The following THRB variants were observed in gnomAD, a reference collection of about 807,000 sequenced individuals.
The protein encoded by THRB is thyroid hormone receptor beta, also known as nuclear receptor subfamily 1 group A member 2.
Under a neutral mutation model 47.8 loss-of-function variants are expected in THRB, and 12 were observed. The ratio of observed to expected loss-of-function variants is 0.25; its 90% CI spans 0.16 to 0.41. THRB has a LOEUF of 0.41. Among genes scored for constraint, THRB ranks in the 10% least tolerant of loss-of-function variants. The pLI is 1.00. For synonymous variants in THRB, 218 were observed against 212.2 expected (o/e 1.03, Z -0.24); for missense variants, 348 against 589.2 (o/e 0.59, Z 4.24).
At chr3:24,277,504 T>C (rs528296947) in intron 3 of THRB, among the ~76,000 whole-genome samples, 1 of 152,302 alleles carries the variant, frequency 6.6e-6, no homozygotes, top group Non-Finnish European at 1.5e-5. Context: ...TTTGCATCTC[T>C]AACAAGTTCC....
intron 2 of THRB, among the ~76,000 whole-genome samples, chr3:24,326,782 T>TTTTTTTTTTTTTTG: frequency 7.0e-6 from 1 of 142,806 alleles, no homozygotes; most frequent in Non-Finnish European, 1.5e-5. Flanking sequence ...TTTTTTTTTT[T>TTTTTTTTTTTTTTG]GAGATGGAGT....
chr3:24,336,724 T>G (rs1245750413), intron 2 of THRB, among the ~76,000 whole-genome samples: 1 of 142,958 alleles, frequency 7.0e-6, no homozygotes, highest in Admixed American at 6.9e-5. Flanking sequence ...TTCTCATGCT[T>G]TTTTTTTTTT....
At chr3:24,236,191 T>G (rs182722774) in intron 3 of THRB, among the ~76,000 whole-genome samples, 105 of 152,276 alleles carry the variant, frequency 6.9e-4, no homozygotes, top group African/African-American at 2.1e-3. Context: ...CTCTGGTATT[T>G]GGGGAATATT....
chr3:24,229,596 G>C (rs978863611), intron 3 of THRB, among the ~76,000 whole-genome samples: 1 of 152,182 alleles, frequency 6.6e-6, no homozygotes, highest in Non-Finnish European at 1.5e-5. Flanking sequence ...AGATCCAAGA[G>C]CAACAGTCAG....
At chr3:24,448,877 T>C (rs765369766) in intron 1 of THRB, among the ~76,000 whole-genome samples, 3 of 152,144 alleles carry the variant, frequency 2.0e-5, no homozygotes, top group Non-Finnish European at 2.9e-5. Context: ...AAGGACTCTA[T>C]GCCACTAGTT....
intron 3 of THRB, among the ~76,000 whole-genome samples, chr3:24,237,146 G>A (rs1450799275): frequency 7.2e-5 from 11 of 152,150 alleles, no homozygotes; most frequent in Non-Finnish European, 1.2e-4. Context: ...TGTCTGTACC[G>A]TATCCCAGGT....
chr3:24,458,926 T>A (rs1193509440), intron 1 of THRB: 1 of 151,062 alleles, frequency 6.6e-6, no homozygotes, highest in African/African-American at 2.4e-5. Flanking sequence ...TACTTTCTGA[T>A]ATTTATGTAT....
chr3:24,183,331 T>G (rs2042140272), intron 5 of THRB, among the ~76,000 whole-genome samples: 1 of 150,754 alleles, frequency 6.6e-6, no homozygotes, highest in Admixed American at 6.6e-5. Flanking sequence ...ATATTATCTT[T>G]CATCTTTTTT....
chr3:24,437,377 C>A (rs904765579), intron 1 of THRB, among the ~76,000 whole-genome samples: 1 of 151,718 alleles, frequency 6.6e-6, no homozygotes, highest in Non-Finnish European at 1.5e-5. Flanking sequence ...TTCCCAGAGG[C>A]TGAGAAGGGT....
Position 24,494,655 on chromosome 3 carries a change from G to A in THRB, c.-264C>T. On this transcript the variant is annotated 5_prime_UTR_variant, in exon 1 of 11. Transcript: ENST00000646209. The stretch of plus-strand genomic sequence containing the variant: ...TGTCGCCCCCTCCTCCTCTCACCCC[G>A]CTGCCTCCGCGCGGTCCTCTAGCCA... 1 of 147,530 alleles carries A rather than the reference G, an allele frequency of 6.8e-6. No homozygotes were observed. The highest frequency in any genetic ancestry group is 1.5e-5 in the Non-Finnish European group (1 of 67,014). The allele number at this position is 147,530 out of a possible 1,614,324, so 9.1% of individuals were successfully genotyped here.
intron 3 of THRB, among the ~76,000 whole-genome samples, chr3:24,263,262 G>A (rs1038586116): frequency 6.6e-6 from 1 of 151,884 alleles, no homozygotes; most frequent in African/African-American, 2.4e-5. Flanking sequence ...GCCATGTACC[G>A]AATGTGTATG....
chr3:24,124,267 C>T (rs2032281940), intron 10 of THRB, among the ~76,000 whole-genome samples: 1 of 152,194 alleles, frequency 6.6e-6, no homozygotes, highest in Non-Finnish European at 1.5e-5. Context: ...CTATTTAGCA[C>T]AAATGGCAAT....
intron 3 of THRB, among the ~76,000 whole-genome samples, chr3:24,238,300 G>GGTGTGGATGT (rs2049121677): frequency 8.0e-6 from 1 of 125,672 alleles, no homozygotes; most frequent in African/African-American, 2.7e-5. Context: ...GGGTGTGTGG[G>GGTGTGGATGT]GTGTGTGTGT....
At chr3:24,131,542 T>C (rs1323884987) in intron 9 of THRB, among the ~76,000 whole-genome samples, 1 of 152,184 alleles carries the variant, frequency 6.6e-6, no homozygotes, top group South Asian at 2.1e-4. Flanking sequence ...AGACTGAATG[T>C]CTGTATCCCT....
In THRB at chr3:24,212,822, A is replaced by T. The variant is rs143849114; in HGVS notation, c.22+16116T>A. ...CTAGATGAAGCGACCTCCTCATTTCAGTTACTGGATTCCTCTGTCTTCTGT... is the reference window on the plus strand; with the variant it reads ...CTAGATGAAGCGACCTCCTCATTTCTGTTACTGGATTCCTCTGTCTTCTGT... On this transcript the variant is annotated intron_variant, in intron 4 of 10. Transcript: ENST00000646209. 8.1e-4 allele frequency among the ~76,000 whole-genome samples: 124 copies of T among 152,282 alleles called. 1 individual carries two copies. The East Asian group carries it at 0.021, about 26-fold the overall frequency.
chr3:24,195,774 A>G (rs1157225031), intron 4 of THRB, among the ~76,000 whole-genome samples: 1 of 152,192 alleles, frequency 6.6e-6, no homozygotes, highest in East Asian at 1.9e-4. Context: ...CCACAGCAGC[A>G]TCTTGCAGAA....
intron 1 of THRB, among the ~76,000 whole-genome samples, chr3:24,370,826 C>CTT (rs1386804123): frequency 6.6e-6 from 1 of 152,150 alleles, no homozygotes; most frequent in African/African-American, 2.4e-5. Context: ...CTGGCTCCAG[C>CTT]TTCACTACAA....
In THRB at chr3:24,226,657, A is replaced by AGG. The variant is rs549170573; in HGVS notation, c.22+2280_22+2281insCC. Among the ~76,000 whole-genome samples the AGG allele has an allele frequency of 1.5e-4, 23 of 152,284 alleles. No individual in the cohort carries two copies. In the South Asian group the frequency reaches 1.7e-3, roughly 11 times the overall value. On this transcript the variant is annotated intron_variant, in intron 4 of 10. Transcript: ENST00000646209. ...TGTCTAGGAGTGGGCCTAGATTCCT[A>AGG]GCTCAGCTCTCAAGCTGACTCAGAC...
Position 24,463,972 on chromosome 3 carries a change from C to T in THRB, c.-261+30680G>A, listed in dbSNP as rs189664924. ...CTCTTAAGAAATGGTTGCGGCTGGG[C>T]GCGGTGGCTCACGCCTGTAATCCCA... On this transcript the variant is annotated intron_variant, in intron 1 of 10. Coordinates refer to ENST00000646209, the MANE Select transcript of THRB (RefSeq NM_001354712.2). 9.5e-3 allele frequency among the ~76,000 whole-genome samples: 1,445 copies of T among 152,248 alleles called. 21 individuals carry two copies. Among genetic ancestry groups the T allele is most frequent in the African/African-American group, 0.033 (1,359 of 41,560 alleles).
Sources: gnomAD v4.1 joint callset for allele counts (sites outside exome capture counted in the v4.1 genomes callset) on GRCh38, gnomAD v4.1.1 for gene constraint, MANE v1.5 for transcripts, NCBI Gene and HGNC (gene_info 2026-07-23, HGNC 2026-07-21) for gene names.